FANCB: variants seen among roughly 807,000 people sequenced by gnomAD.
FANCB encodes Fanconi anemia group B protein.
Under a neutral mutation model 38.9 loss-of-function variants are expected in FANCB, and 5 were observed. The observed-to-expected ratio is 0.13, with a 90% CI of 0.07 to 0.27. FANCB has a LOEUF of 0.27. Ranked by LOEUF, FANCB falls within the 10% of genes least tolerant of loss-of-function variation. The probability of loss-of-function intolerance (pLI) is 1.00; values close to 1 mark genes in which losing one functional copy is unlikely to be tolerated. For synonymous variants in FANCB, 236 were observed against 215.4 expected, an observed-to-expected ratio of 1.10 and a Z score of -0.84; for missense variants, 573 against 602.7, an observed-to-expected ratio of 0.95 and a Z score of 0.52.
intron 3 of FANCB, among the ~76,000 whole-genome samples, chrX:14,861,020 C>A (rs911843132): frequency 2.7e-5 from 3 of 111,127 alleles, no homozygotes; most frequent in Admixed American, 9.5e-5. Flanking sequence ...GTAGCTGGGA[C>A]TACAGGCATA....
the FANCB span, among the ~76,000 whole-genome samples, chrX:14,810,768 C>A: frequency 9.0e-6 from 1 of 111,529 alleles, no homozygotes; most frequent in African/African-American, 3.3e-5. Flanking sequence ...GAGAACTTCC[C>A]CAATCTAGCA....
chrX:14,787,081 G>A, the FANCB span, among the ~76,000 whole-genome samples: 1 of 110,660 alleles, frequency 9.0e-6, no homozygotes, highest in East Asian at 2.8e-4. Context: ...CTTAGGGTAG[G>A]GGGTTGCTGA....
the FANCB span, among the ~76,000 whole-genome samples, chrX:14,779,265 T>C: frequency 8.9e-6 from 1 of 112,587 alleles, no homozygotes; most frequent in Non-Finnish European, 1.9e-5. Context: ...TGGGCCTGTT[T>C]CTGGGGAACC....
At chrX:14,830,047 T>C in the FANCB span, among the ~76,000 whole-genome samples, 3 of 111,657 alleles carry the variant, frequency 2.7e-5, no homozygotes, top group Non-Finnish European at 5.6e-5. Flanking sequence ...AAGAGGCCAC[T>C]GTAGGCCTCA....
the FANCB span, among the ~76,000 whole-genome samples, chrX:14,816,917 A>G: frequency 8.9e-6 from 1 of 112,071 alleles, no homozygotes; most frequent in Admixed American, 9.4e-5. Context: ...CTATAAAAGG[A>G]GAATAATGTT....
intron 5 of FANCB, among the ~76,000 whole-genome samples, chrX:14,853,706 T>C (rs1036900952): frequency 4.5e-5 from 5 of 112,132 alleles, no homozygotes; most frequent in Middle Eastern, 4.2e-3. Context: ...TTTATTTTTG[T>C]GCTAATAAAC....
the FANCB span, among the ~76,000 whole-genome samples, chrX:14,732,041 A>AC: frequency 1.9e-4 from 20 of 105,540 alleles, no homozygotes; most frequent in South Asian, 8.6e-4. Flanking sequence ...CTAGCCCCCG[A>AC]CCCCCCCGAC....
At chrX:14,804,346 A>T in the FANCB span, among the ~76,000 whole-genome samples, 1 of 112,134 alleles carries the variant, frequency 8.9e-6, no homozygotes, top group Non-Finnish European at 1.9e-5. Flanking sequence ...GACAAGGAGG[A>T]AGCTGGAAAC....
At chrX:14,838,794 T>C (rs753698063), downstream of FANCB, among the ~76,000 whole-genome samples, 25 of 112,473 alleles carry the variant, frequency 2.2e-4, no homozygotes, top group Non-Finnish European at 3.6e-4. Flanking sequence ...TATGTTATCA[T>C]TGGAAAGGTT....
chrX:14,690,751 C>T, the FANCB span: 2 of 1,206,396 alleles, frequency 1.7e-6, no homozygotes, highest in Non-Finnish European at 2.2e-6. Flanking sequence ...TGGCGGTGTG[C>T]CTTCTGTTTG....
downstream of FANCB, among the ~76,000 whole-genome samples, chrX:14,834,159 T>G (rs1474386439): frequency 8.9e-6 from 1 of 111,894 alleles, no homozygotes; most frequent in Non-Finnish European, 1.9e-5. Flanking sequence ...ATTTTTTTTT[T>G]AATTAAAATA....
the FANCB span, chrX:14,690,687 G>A: frequency 2.9e-6 from 3 of 1,026,268 alleles, no homozygotes; most frequent in African/African-American, 1.8e-5. Flanking sequence ...CTGTGTGTGT[G>A]TGTGTCTCTC....
At chrX:14,783,555 T>C in the FANCB span, among the ~76,000 whole-genome samples, 2 of 112,208 alleles carry the variant, frequency 1.8e-5, no homozygotes, top group Admixed American at 9.5e-5. Context: ...GATTCTAGCA[T>C]GCCTGGAAAG....
the FANCB span, among the ~76,000 whole-genome samples, chrX:14,780,945 G>A: frequency 9.1e-6 from 1 of 110,116 alleles, no homozygotes; most frequent in Non-Finnish European, 1.9e-5. Flanking sequence ...GCAGGGCTGA[G>A]GCAAGGGCTT....
the FANCB span, among the ~76,000 whole-genome samples, chrX:14,762,120 C>T: frequency 9.0e-6 from 1 of 111,083 alleles, no homozygotes; most frequent in African/African-American, 3.3e-5. Context: ...TCCAAGAGGG[C>T]ACCTTGTTGC....
chrX:14,699,584 C>T, the FANCB span, among the ~76,000 whole-genome samples: 1 of 112,060 alleles, frequency 8.9e-6, no homozygotes, highest in Non-Finnish European at 1.9e-5. Context: ...TTCACCAAAT[C>T]ATCTCTTCTA....
At chrX:14,784,067 G>A in the FANCB span, among the ~76,000 whole-genome samples, 3,261 of 111,706 alleles carry the variant, frequency 0.029, 91 homozygotes, top group African/African-American at 0.086. Context: ...AAAATTAGCT[G>A]GGCATGGTGG....
At chrX:14,707,225 G>A in the FANCB span, among the ~76,000 whole-genome samples, 1 of 111,435 alleles carries the variant, frequency 9.0e-6, no homozygotes, top group African/African-American at 3.3e-5. Flanking sequence ...AGTGACACAT[G>A]CTTAGGGCCA....
the FANCB span, among the ~76,000 whole-genome samples, chrX:14,826,454 A>AATGTATC: frequency 8.9e-6 from 1 of 112,319 alleles, no homozygotes; most frequent in Admixed American, 9.4e-5. Context: ...TGATTTCTGT[A>AATGTATC]ATGTATCCAG....
Sources: allele counts gnomAD v4.1 joint callset (sites outside exome capture counted in the v4.1 genomes callset), GRCh38; gene constraint gnomAD v4.1.1; transcripts MANE v1.5; gene names NCBI Gene and HGNC (gene_info 2026-07-23, HGNC 2026-07-21).